SLC4A4: variants seen among roughly 807,000 people sequenced by gnomAD.
SLC4A4 encodes the protein solute carrier family 4 member 4.
A neutral mutation model predicts 111.5 loss-of-function variants in SLC4A4; 27 were observed. The ratio of observed to expected loss-of-function variants is 0.24; its 90% CI spans 0.18 to 0.33. The LOEUF is 0.33. Among genes scored for constraint, SLC4A4 ranks in the 10% least tolerant of loss-of-function variants. SLC4A4 has a pLI of 1.00. For missense variants in SLC4A4, 909 were observed against 1,315.5 expected (o/e 0.69, Z 4.78); for synonymous variants, 443 against 463.4 (o/e 0.96, Z 0.57).
chr4:71,385,696 A>T (rs1718649783), intron 6 of SLC4A4, among the ~76,000 whole-genome samples: 1 of 152,162 alleles, frequency 6.6e-6, no homozygotes, highest in Admixed American at 6.6e-5. Context: ...ATTGCATTTT[A>T]AAAATTGCCT....
chr4:71,182,714 TCACACACACACA>T (rs77414889), upstream of SLC4A4, among the ~76,000 whole-genome samples: 1 of 146,338 alleles, frequency 6.8e-6, no homozygotes, highest in Non-Finnish European at 1.5e-5. Context: ...TATGTACATT[TCACACACACACA>T]CACACACACA....
chr4:71,216,652 G>C (rs1429095245), intron 1 of SLC4A4, among the ~76,000 whole-genome samples: 1 of 152,180 alleles, frequency 6.6e-6, no homozygotes, highest in Non-Finnish European at 1.5e-5. Flanking sequence ...AAAAGACTTT[G>C]GAAGGCTATC....
intron 1 of SLC4A4, among the ~76,000 whole-genome samples, chr4:71,068,189 C>T (rs202217138): frequency 1.8e-4 from 27 of 151,598 alleles, no homozygotes; most frequent in African/African-American, 2.7e-4. Flanking sequence ...CTCAGCCACC[C>T]GAGTAGCTGG....
chr4:71,252,102 T>C lies in SLC4A4; in HGVS notation c.74-3118T>C, dbSNP rs147092328. Among the ~76,000 whole-genome samples the C allele has an allele frequency of 1.1e-3, 175 of 152,310 alleles. 1 individual carries two copies. The East Asian group carries it at 0.029, about 25-fold the overall frequency. On this transcript the variant is annotated intron_variant, in intron 2 of 25. Coordinates refer to ENST00000264485, the MANE Select transcript of SLC4A4 (RefSeq NM_001098484.3). ...CCTTAAACAGGTAAAGAGATTTTAA[T>C]GAAAATAAATATTGAGATCCACATG...
At chr4:71,406,686 T>G (rs1720883270) in intron 7 of SLC4A4, among the ~76,000 whole-genome samples, 1 of 148,798 alleles carries the variant, frequency 6.7e-6, no homozygotes, top group Admixed American at 6.8e-5. Context: ...AGGACAGCAG[T>G]AATGTTTTCT....
intron 7 of SLC4A4, among the ~76,000 whole-genome samples, chr4:71,432,448 G>A (rs956506878): frequency 6.6e-6 from 1 of 152,116 alleles, no homozygotes; most frequent in Non-Finnish European, 1.5e-5. Context: ...AATAATAACA[G>A]TCTTGGCAAC....
intron 3 of SLC4A4, among the ~76,000 whole-genome samples, chr4:71,269,424 A>G (rs1049708249): frequency 1.3e-5 from 2 of 152,194 alleles, no homozygotes; most frequent in African/African-American, 4.8e-5. Flanking sequence ...CAGATTCTGA[A>G]CGGGCTTTTC....
At position 71,350,032 on chromosome 4, in the gene SLC4A4, C is replaced by T; in HGVS notation, c.510C>T (p.Ile170=). The T allele has an allele frequency of 6.2e-7, 1 of 1,614,134 alleles. No homozygotes were observed. The highest frequency in any genetic ancestry group is 8.5e-7 in the Non-Finnish European group (1 of 1,180,008). ...GGACATGTATGGAGAAAGGATCCAT[C>T]ATGCTTGATCGGGAGGCTTCTTCTC... The part of the protein sequence containing the change: ...ELRTCMEKGS[I]MLDREASSLP... The change falls in exon 5 of 26, where the codon ATC becomes ATT. Residue 170 remains isoleucine (I), a synonymous_variant. Coordinates refer to ENST00000264485, the MANE Select transcript of SLC4A4 (RefSeq NM_001098484.3).
chr4:71,162,765 G>A (rs566118583), intron 2 of SLC4A4, among the ~76,000 whole-genome samples: 20 of 152,208 alleles, frequency 1.3e-4, no homozygotes, highest in South Asian at 6.2e-4. Context: ...AATTCTTTAC[G>A]GCTACCATGT....
chr4:71,329,152 C>G (rs905904007), intron 3 of SLC4A4, among the ~76,000 whole-genome samples: 2 of 151,918 alleles, frequency 1.3e-5, no homozygotes, highest in African/African-American at 2.4e-5. Context: ...TTTCTGGGTT[C>G]TCTATTTATT....
intron 5 of SLC4A4, among the ~76,000 whole-genome samples, chr4:71,350,704 T>G (rs1729753144): frequency 6.6e-6 from 1 of 152,216 alleles, no homozygotes; most frequent in South Asian, 2.1e-4. Context: ...TTATCTATAA[T>G]GTAAAGAAAT....
intron 7 of SLC4A4, among the ~76,000 whole-genome samples, chr4:71,436,485 C>T (rs141395414): frequency 3.3e-5 from 5 of 152,200 alleles, no homozygotes; most frequent in African/African-American, 1.2e-4. Flanking sequence ...TACAGCAAAC[C>T]ACCACAGCAC....
chr4:71,309,348 G>A (rs1725949311), intron 3 of SLC4A4, among the ~76,000 whole-genome samples: 1 of 152,172 alleles, frequency 6.6e-6, no homozygotes. Flanking sequence ...TGACAAGGAG[G>A]GTTCTCCCAG....
intron 16 of SLC4A4, among the ~76,000 whole-genome samples, chr4:71,499,129 T>A (rs1730680902): frequency 6.6e-6 from 1 of 152,094 alleles, no homozygotes; most frequent in East Asian, 1.9e-4. Context: ...TTGGGCATCT[T>A]GGATTTTGTT....
rs57047391 is a variant in SLC4A4, at chr4:71,441,801, T to C, written c.965+1028T>C. On this transcript the variant is annotated intron_variant, in intron 8 of 25. Transcript: ENST00000264485. ...CAGGTATTTTTTAAACCCATTTTTA[T>C]ATTTCTTAGACACTTAAAATAGGAA... Among the ~76,000 whole-genome samples the C allele has an allele frequency of 5.5e-3, 834 of 152,380 alleles. 37 individuals carry two copies. In the East Asian group the frequency reaches 0.11, roughly 20 times the overall value.
At chr4:71,339,319 T>C in intron 3 of SLC4A4, 51 bp from the exon 4 acceptor site, 1 of 1,614,190 alleles carries the variant, frequency 6.2e-7, no homozygotes, top group Non-Finnish European at 8.5e-7. Context: ...AGCTCCACTT[T>C]CCTCAGGGTT....
intron 8 of SLC4A4, among the ~76,000 whole-genome samples, chr4:71,445,618 G>A (rs1725155310): frequency 6.6e-6 from 1 of 152,024 alleles, no homozygotes; most frequent in African/African-American, 2.4e-5. Context: ...TTCTCTTGTG[G>A]CACAGCATCT....
intron 4 of SLC4A4, among the ~76,000 whole-genome samples, chr4:71,346,169 C>T (rs371908707): frequency 2.0e-5 from 3 of 151,426 alleles, no homozygotes; most frequent in African/African-American, 4.9e-5. Context: ...CTTCAACAAA[C>T]GAATGAAATG....
At chr4:71,233,223 G>A in intron 1 of SLC4A4, 1 of 959,144 alleles carries the variant, frequency 1.0e-6, no homozygotes, top group Non-Finnish European at 1.2e-6. Flanking sequence ...CATAGTAGTA[G>A]CATCCAGTAA....
Sources: gnomAD v4.1 joint callset for allele counts (sites outside exome capture counted in the v4.1 genomes callset) on GRCh38, gnomAD v4.1.1 for gene constraint, MANE v1.5 for transcripts, NCBI Gene and HGNC (gene_info 2026-07-23, HGNC 2026-07-21) for gene names.